The following NAALADL2 variants were observed in gnomAD, a reference collection of about 807,000 sequenced individuals.
The protein encoded by NAALADL2 is inactive N-acetylated-alpha-linked acidic dipeptidase-like protein 2.
Under a neutral mutation model 87.2 loss-of-function variants are expected in NAALADL2, and 76 were observed. That is an observed-to-expected ratio of 0.87 (90% CI 0.72 to 1.05). The LOEUF is 1.05. Ranked by LOEUF, NAALADL2 falls within the 50% of genes least tolerant of loss-of-function variation. The probability of loss-of-function intolerance (pLI) is 0.00; values close to 1 mark genes in which losing one functional copy is unlikely to be tolerated. For missense variants in NAALADL2, 1,089 were observed against 945.8 expected, an observed-to-expected ratio of 1.15 and a Z score of -1.99; for synonymous variants, 354 against 331.0, an observed-to-expected ratio of 1.07 and a Z score of -0.75.
chr3:175,345,945 A>G (rs939604915), intron 5 of NAALADL2, among the ~76,000 whole-genome samples: 21 of 152,230 alleles, frequency 1.4e-4, no homozygotes, highest in Admixed American at 5.9e-4. Context: ...CCCTACCCAG[A>G]ATAGTATTTA....
At chr3:175,524,771 T>A (rs1733151192) in intron 9 of NAALADL2, among the ~76,000 whole-genome samples, 1 of 152,134 alleles carries the variant, frequency 6.6e-6, no homozygotes, top group Non-Finnish European at 1.5e-5. Flanking sequence ...TCTCAATAAG[T>A]TAACAAGAGA....
chr3:175,801,257 A>C (rs564601467), intron 13 of NAALADL2, among the ~76,000 whole-genome samples: 4 of 152,208 alleles, frequency 2.6e-5, no homozygotes, highest in African/African-American at 9.6e-5. Context: ...TTATTCCAAA[A>C]TGAAATATAA....
chr3:175,345,879 C>T (rs187940762), intron 5 of NAALADL2, among the ~76,000 whole-genome samples: 1 of 152,238 alleles, frequency 6.6e-6, no homozygotes, highest in Admixed American at 6.6e-5. Flanking sequence ...GACCCACTTT[C>T]CTGCAGGGGC....
At chr3:174,523,421 C>T (rs1218218417) in intron 1 of NAALADL2, 1 of 152,020 alleles carries the variant, frequency 6.6e-6, no homozygotes, top group Non-Finnish European at 1.5e-5. Context: ...AGTGTAATTT[C>T]GGCTTATTTT....
chr3:175,435,986 G>A (rs1478880552), intron 5 of NAALADL2, among the ~76,000 whole-genome samples: 2 of 138,256 alleles, frequency 1.4e-5, no homozygotes, highest in Admixed American at 7.3e-5. Context: ...ATCTCCCAAT[G>A]CTATCCCTCC....
At chr3:175,156,332 A>T (rs1397297923) in intron 2 of NAALADL2, among the ~76,000 whole-genome samples, 1 of 94,246 alleles carries the variant, frequency 1.1e-5, no homozygotes, top group Middle Eastern at 5.0e-3. Context: ...AAATAGCTCT[A>T]CTACCTCAGT....
At chr3:175,384,297 C>T (rs1222091343) in intron 5 of NAALADL2, among the ~76,000 whole-genome samples, 1 of 151,888 alleles carries the variant, frequency 6.6e-6, no homozygotes, top group African/African-American at 2.4e-5. Context: ...TGGCAAAAGG[C>T]TTTTGCTGGT....
At chr3:175,485,289 C>G (rs1311489395) in intron 9 of NAALADL2, among the ~76,000 whole-genome samples, 1 of 152,040 alleles carries the variant, frequency 6.6e-6, no homozygotes, top group Non-Finnish European at 1.5e-5. Context: ...GTGATGCTCA[C>G]ATAATGGGGT....
At chr3:174,498,216 A>G (rs990390184) in intron 1 of NAALADL2, among the ~76,000 whole-genome samples, 1 of 151,982 alleles carries the variant, frequency 6.6e-6, no homozygotes, top group South Asian at 2.1e-4. Context: ...CCTAGTTCCT[A>G]GGCAACCAGT....
intron 2 of NAALADL2, among the ~76,000 whole-genome samples, chr3:174,676,610 C>T (rs994801602): frequency 6.6e-6 from 1 of 151,850 alleles, no homozygotes; most frequent in Non-Finnish European, 1.5e-5. Context: ...TTTTCTTCAT[C>T]TATAAGTAAT....
intron 3 of NAALADL2, among the ~76,000 whole-genome samples, chr3:174,797,292 GTTTTTCT>G (rs1328513300): frequency 0.019 from 2,002 of 107,534 alleles, 20 homozygotes; most frequent in East Asian, 0.041. Flanking sequence ...TTTTTCTTTT[GTTTTTCT>G]TTTTTCTTTT....
At chr3:174,507,195 A>T (rs1719253379) in intron 1 of NAALADL2, among the ~76,000 whole-genome samples, 1 of 152,164 alleles carries the variant, frequency 6.6e-6, no homozygotes, top group Admixed American at 6.5e-5. Context: ...CAAAAGTTTA[A>T]TGTTTTATTT....
At chr3:174,530,872 C>G (rs1433928078) in intron 1 of NAALADL2, among the ~76,000 whole-genome samples, 9 of 152,166 alleles carry the variant, frequency 5.9e-5, no homozygotes, top group Non-Finnish European at 1.2e-4. Context: ...AACCTACACA[C>G]ACAGAAAGTA....
chr3:175,674,268 TG>T (rs1299015204), intron 11 of NAALADL2, among the ~76,000 whole-genome samples: 66 of 147,618 alleles, frequency 4.5e-4, no homozygotes, highest in African/African-American at 1.7e-3. Context: ...TTGTTTGTTT[TG>T]TTTTTTTTGA....
chr3:175,445,465 G>T (rs1720536193), intron 5 of NAALADL2, among the ~76,000 whole-genome samples: 1 of 151,812 alleles, frequency 6.6e-6, no homozygotes, highest in Non-Finnish European at 1.5e-5. Flanking sequence ...ATCTTTAGTA[G>T]CTACTTACCT....
chr3:175,466,719 T>C (rs1391489427), intron 7 of NAALADL2, among the ~76,000 whole-genome samples: 1 of 152,190 alleles, frequency 6.6e-6, no homozygotes, highest in Non-Finnish European at 1.5e-5. Flanking sequence ...ACATGCTTCA[T>C]TAATTAATAT....
chr3:175,663,806 A>G (rs929609190), intron 11 of NAALADL2, among the ~76,000 whole-genome samples: 1 of 151,886 alleles, frequency 6.6e-6, no homozygotes, highest in Non-Finnish European at 1.5e-5. Context: ...GAAAATTTGG[A>G]TTGGTGGTAT....
intron 11 of NAALADL2, among the ~76,000 whole-genome samples, chr3:175,663,845 A>G (rs1283354107): frequency 2.0e-5 from 3 of 151,944 alleles, no homozygotes; most frequent in Non-Finnish European, 4.4e-5. Flanking sequence ...CGTAATTCCT[A>G]GAAAACATAA....
intron 1 of NAALADL2, among the ~76,000 whole-genome samples, chr3:175,003,218 G>T (rs894022919): frequency 6.6e-6 from 1 of 152,132 alleles, no homozygotes; most frequent in African/African-American, 2.4e-5. Flanking sequence ...TATACTTACA[G>T]CAGTAAGAGT....
Sources: allele counts gnomAD v4.1 joint callset (sites outside exome capture counted in the v4.1 genomes callset), GRCh38; gene constraint gnomAD v4.1.1; transcripts MANE v1.5; gene names NCBI Gene and HGNC (gene_info 2026-07-23, HGNC 2026-07-21).